PRR16: variants seen among roughly 807,000 people sequenced by gnomAD.
The protein encoded by PRR16 is protein Largen.
Under a neutral mutation model 18.2 loss-of-function variants are expected in PRR16, and 6 were observed. That is an observed-to-expected ratio of 0.33 (90% CI 0.18 to 0.65). PRR16 has a LOEUF of 0.65. Ranked by LOEUF, PRR16 falls within the 30% of genes least tolerant of loss-of-function variation. The probability of loss-of-function intolerance (pLI) is 0.74; values close to 1 mark genes in which losing one functional copy is unlikely to be tolerated. For synonymous variants in PRR16, 151 were observed against 147.8 expected (o/e 1.02, Z -0.16); for missense variants, 412 against 376.6 (o/e 1.09, Z -0.78).
intron 1 of PRR16, among the ~76,000 whole-genome samples, chr5:120,681,873 T>C (rs113836068): frequency 2.0e-5 from 3 of 152,210 alleles, no homozygotes; most frequent in African/African-American, 7.2e-5. Flanking sequence ...GTAAAACTTT[T>C]ATCATTGCTT....
At chr5:120,547,200 T>A (rs1752101227) in intron 1 of PRR16, among the ~76,000 whole-genome samples, 2 of 152,026 alleles carry the variant, frequency 1.3e-5, no homozygotes, top group East Asian at 3.9e-4. Flanking sequence ...CCTACTCCAA[T>A]TAGCATGCTC....
the PRR16 span, among the ~76,000 whole-genome samples, chr5:120,783,877 C>A: frequency 2.0e-5 from 3 of 152,110 alleles, no homozygotes; most frequent in Admixed American, 2.0e-4. Context: ...TTCCCACTAC[C>A]CATACCAGCC....
intron 1 of PRR16, among the ~76,000 whole-genome samples, chr5:120,499,266 C>T (rs1319164560): frequency 2.0e-5 from 3 of 151,930 alleles, no homozygotes; most frequent in Non-Finnish European, 2.9e-5. Flanking sequence ...GGCACCACCA[C>T]GCCTGGCTAA....
intron 1 of PRR16, among the ~76,000 whole-genome samples, chr5:120,620,321 G>A (rs986464070): frequency 1.3e-5 from 2 of 152,156 alleles, no homozygotes; most frequent in East Asian, 3.9e-4. Context: ...TGGTGAAACA[G>A]GCAGACGAGC....
At chr5:120,525,864 A>T (rs1751329422) in intron 1 of PRR16, among the ~76,000 whole-genome samples, 1 of 152,148 alleles carries the variant, frequency 6.6e-6, no homozygotes, top group African/African-American at 2.4e-5. Flanking sequence ...GAGGCAACAA[A>T]TTGATTATGA....
intron 1 of PRR16, among the ~76,000 whole-genome samples, chr5:120,670,557 C>T (rs1165091577): frequency 6.6e-6 from 1 of 152,156 alleles, no homozygotes; most frequent in Non-Finnish European, 1.5e-5. Flanking sequence ...CCCTCTCTTT[C>T]ATGTCACGTA....
chr5:120,663,091 ACTGTCCATCTTTG>A (rs1410931268), intron 1 of PRR16, among the ~76,000 whole-genome samples: 3 of 151,910 alleles, frequency 2.0e-5, no homozygotes, highest in African/African-American at 4.8e-5. Context: ...TGCCCTATAC[ACTGTCCATCTTTG>A]GTATTCTTTG....
chr5:120,545,689 A>G (rs531142083), intron 1 of PRR16, among the ~76,000 whole-genome samples: 2 of 152,220 alleles, frequency 1.3e-5, no homozygotes, highest in East Asian at 1.9e-4. Flanking sequence ...TGAATTATTG[A>G]ATATTAATAC....
At chr5:120,569,104 T>C (rs1460656074) in intron 1 of PRR16, among the ~76,000 whole-genome samples, 1 of 152,130 alleles carries the variant, frequency 6.6e-6, no homozygotes, top group Non-Finnish European at 1.5e-5. Flanking sequence ...TTAGGAGTTA[T>C]TTATTTTTCT....
chr5:120,470,201 G>C (rs555388409), intron 1 of PRR16, among the ~76,000 whole-genome samples: 1 of 152,184 alleles, frequency 6.6e-6, no homozygotes, highest in South Asian at 2.1e-4. Flanking sequence ...CCAGTAGGTC[G>C]CTGATTCAAC....
the PRR16 span, among the ~76,000 whole-genome samples, chr5:120,788,344 A>T: frequency 6.6e-6 from 1 of 151,868 alleles, no homozygotes; most frequent in African/African-American, 2.4e-5. Context: ...GCTGCTGAAG[A>T]CTCCCATATT....
chr5:120,537,856 A>T (rs1751776480), intron 1 of PRR16, among the ~76,000 whole-genome samples: 1 of 146,122 alleles, frequency 6.8e-6, no homozygotes, highest in Non-Finnish European at 1.5e-5. Flanking sequence ...GGCTCAATGC[A>T]AGCTCCGCCT....
At chr5:120,642,361 G>A (rs1454189978) in intron 1 of PRR16, among the ~76,000 whole-genome samples, 3 of 151,704 alleles carry the variant, frequency 2.0e-5, no homozygotes, top group Non-Finnish European at 2.9e-5. Context: ...TTAATTAGAT[G>A]TAAAGTTTAA....
intron 1 of PRR16, among the ~76,000 whole-genome samples, chr5:120,676,868 A>T (rs953967615): frequency 6.6e-6 from 1 of 152,168 alleles, no homozygotes; most frequent in East Asian, 1.9e-4. Context: ...CATAATGGAC[A>T]TTGGACATTT....
intron 1 of PRR16, among the ~76,000 whole-genome samples, chr5:120,547,380 C>T (rs1319935504): frequency 6.6e-6 from 1 of 151,962 alleles, no homozygotes; most frequent in East Asian, 1.9e-4. Flanking sequence ...TATGTAAATT[C>T]TTGGTATATA....
At chr5:120,653,087 A>G (rs551846974) in intron 1 of PRR16, among the ~76,000 whole-genome samples, 1 of 152,166 alleles carries the variant, frequency 6.6e-6, no homozygotes, top group African/African-American at 2.4e-5. Flanking sequence ...AGGATAGGCA[A>G]AATTAATTCA....
At chr5:120,705,240 T>G in the PRR16 span, among the ~76,000 whole-genome samples, 1 of 152,104 alleles carries the variant, frequency 6.6e-6, no homozygotes, top group Non-Finnish European at 1.5e-5. Context: ...TATATGAAAA[T>G]TATTCATTTA....
At chr5:120,566,341 T>G (rs1486138461) in intron 1 of PRR16, among the ~76,000 whole-genome samples, 1 of 152,192 alleles carries the variant, frequency 6.6e-6, no homozygotes, top group African/African-American at 2.4e-5. Context: ...AGTCTGTGGT[T>G]TTCTGTTACA....
At chr5:120,502,819 T>C (rs1750508557) in intron 1 of PRR16, among the ~76,000 whole-genome samples, 2 of 152,214 alleles carry the variant, frequency 1.3e-5, no homozygotes, top group African/African-American at 4.8e-5. Flanking sequence ...ACTATGGGTC[T>C]ATTGTAAAGT....
Sources: allele counts gnomAD v4.1 joint callset (sites outside exome capture counted in the v4.1 genomes callset), GRCh38; gene constraint gnomAD v4.1.1; transcripts MANE v1.5; gene names NCBI Gene and HGNC (gene_info 2026-07-23, HGNC 2026-07-21).